The following ADAM12 variants were observed in gnomAD, a reference collection of about 807,000 sequenced individuals.
The protein encoded by ADAM12 is disintegrin and metalloproteinase domain-containing protein 12.
In ADAM12, 70 loss-of-function variants were observed where a neutral mutation model predicts 106.4. The observed-to-expected ratio is 0.66, with a 90% CI of 0.54 to 0.80. The LOEUF is 0.80. Among genes scored for constraint, ADAM12 ranks in the 30% least tolerant of loss-of-function variants. ADAM12 has a pLI of 0.00. For missense variants in ADAM12, 1,010 were observed against 1,171.9 expected (o/e 0.86, Z 2.02); for synonymous variants, 420 against 433.5 (o/e 0.97, Z 0.39).
chr10:126,331,672 C>T (rs926091317), intron 1 of ADAM12, among the ~76,000 whole-genome samples: 6 of 152,164 alleles, frequency 3.9e-5, no homozygotes, highest in East Asian at 1.9e-4. Flanking sequence ...ACTGAAAGTC[C>T]GAAATACAGC....
intron 18 of ADAM12, chr10:126,041,283 G>T: frequency 1.0e-6 from 1 of 974,612 alleles, no homozygotes; most frequent in African/African-American, 1.8e-5. Flanking sequence ...GGAGCAGTGA[G>T]CCATGCTTGC....
Position 126,101,076 on chromosome 10 carries a change from C to A in ADAM12, c.907G>T (p.Val303Phe). The A allele has an allele frequency of 1.2e-6, 2 of 1,613,674 alleles. No homozygotes were observed. Among genetic ancestry groups the A allele is most frequent in the South Asian group, 1.1e-5 (1 of 90,992 alleles). Residue 303 changes from valine (V) to phenylalanine (F), a missense_variant, in exon 9 of 23, where the codon GTC becomes TTC. By Grantham distance (50) the Val-to-Phe change is conservative. This residue lies in a region of ADAM12 where 391 missense variants were observed against 442.9 expected (regional missense o/e 0.88). Transcript: ENST00000448723. ...PRKSHDNAQL[V>F]SGVYFQGTTI... ...AGACAAGACGTAACTCCCTACCTGA[C>A]AAGCTGCGCATTGTCATGGGATTTG...
In ADAM12 at chr10:126,336,972, G is replaced by A. The variant is rs185327170; in HGVS notation, c.89-6463C>T. 3.3e-5 allele frequency among the ~76,000 whole-genome samples: 5 copies of A among 152,298 alleles called. No individual in the cohort carries two copies. In the South Asian group the frequency reaches 6.2e-4, roughly 19 times the overall value. On this transcript the variant is annotated intron_variant, in intron 1 of 22. Coordinates refer to ENST00000448723, the MANE Select transcript of ADAM12 (RefSeq NM_001288973.2). ...GGAGCTGGGCTATGGAACAACATCC[G>A]CCACAGAGGGCCGGCAAGAGGATCA... is the stretch of plus-strand genomic sequence containing the variant.
rs751560900 is a variant in ADAM12 at position 126,043,040 on chromosome 10, C to G, written c.2104G>C (p.Asp702His). 6.2e-6 allele frequency: 10 copies of G among 1,614,030 alleles called. No homozygotes were observed. Among genetic ancestry groups the G allele is most frequent in the Middle Eastern group, 1.7e-4 (1 of 6,060 alleles). Residue 702 changes from aspartate (D) to histidine (H), a missense_variant and splice_region_variant, in exon 18 of 23, where the codon GAT (aspartate) becomes CAT (histidine). Asp to His is a moderately conservative substitution (Grantham distance 81, BLOSUM62 -1). Around this residue, in one of 3 missense-constraint regions of ADAM12, gnomAD observed 615 missense variants for 708.5 expected, o/e 0.87. Coordinates refer to ENST00000448723, the MANE Select transcript of ADAM12 (RefSeq NM_001288973.2). The surrounding 1 kb of genome is among the most constrained non-coding windows in gnomAD (Gnocchi z 4.1). ...ACCGGGATGCAGGGGCTTCACTGAC[C>G]TGCTTGCCGGATGGGGCCGCTGTCT... ...STDSGPIRQADNQGLTIGILV... is the reference protein window; with the variant it reads ...STDSGPIRQAHNQGLTIGILV...
chr10:126,056,636 A>G (rs1026359504), intron 14 of ADAM12, among the ~76,000 whole-genome samples: 1 of 31,938 alleles, frequency 3.1e-5, no homozygotes, highest in Non-Finnish European at 7.7e-5. Flanking sequence ...TGAGTGTGAT[A>G]TTCCCCTTCC....
At chr10:126,032,378 T>G (rs1202743733) in intron 21 of ADAM12, among the ~76,000 whole-genome samples, 1 of 152,206 alleles carries the variant, frequency 6.6e-6, no homozygotes, top group Non-Finnish European at 1.5e-5. Context: ...TCATATGTCT[T>G]AGAAAAGTTC....
chr10:126,029,631 T>C (rs1205761442), intron 21 of ADAM12, among the ~76,000 whole-genome samples: 1 of 152,190 alleles, frequency 6.6e-6, no homozygotes, highest in African/African-American at 2.4e-5. Flanking sequence ...GGTGATGAGA[T>C]CTGTGCTGCA....
At chr10:126,039,509 C>G (rs1232716533) in intron 18 of ADAM12, 80 bp from the exon 19 acceptor site, 2 of 1,550,532 alleles carry the variant, frequency 1.3e-6, no homozygotes, top group Admixed American at 1.7e-5. Flanking sequence ...ACGTTTATGG[C>G]AAAGTGAACT....
intron 3 of ADAM12, among the ~76,000 whole-genome samples, chr10:126,276,620 T>C (rs1565185398): frequency 1.3e-5 from 2 of 152,234 alleles, no homozygotes; most frequent in Non-Finnish European, 2.9e-5. Flanking sequence ...TTACTTTTCA[T>C]ATAATGGAAT....
chr10:126,198,033 A>G (rs1284879812), intron 3 of ADAM12, among the ~76,000 whole-genome samples: 3 of 152,184 alleles, frequency 2.0e-5, no homozygotes, highest in Non-Finnish European at 2.9e-5. Flanking sequence ...TTCCAAATTA[A>G]CATCACTGTT....
intron 11 of ADAM12, among the ~76,000 whole-genome samples, chr10:126,091,350 G>A (rs1025912357): frequency 1.3e-5 from 2 of 152,206 alleles, no homozygotes; most frequent in African/African-American, 4.8e-5. Context: ...CACGGGTGAT[G>A]GATGACTGAG....
At chr10:126,131,774 C>T (rs777281389) in intron 5 of ADAM12, among the ~76,000 whole-genome samples, 1 of 152,184 alleles carries the variant, frequency 6.6e-6, no homozygotes, top group Non-Finnish European at 1.5e-5. Context: ...TTTAAGCCAA[C>T]CAGTCTATGG....
Position 126,279,108 on chromosome 10 carries a change from A to G in ADAM12, c.187-120T>C, listed in dbSNP as rs1175672271. 6 of 713,600 alleles carry G rather than the reference A, an allele frequency of 8.4e-6. No individual in the cohort carries two copies. In the Admixed American group the frequency reaches 1.5e-4, roughly 18 times the overall value. The allele number at this position is 713,600 out of a possible 1,614,324, so 44.2% of individuals were successfully genotyped here. A position where few individuals can be genotyped will look rare whatever the true frequency, so the allele number is the denominator to read the frequency against. ...AAACGATGCGGTCAACCTAAGAAAG[A>G]GCCAAATGCCATCACAATGCAGTGT... is the stretch of plus-strand genomic sequence containing the variant. On this transcript the variant is annotated intron_variant, in intron 2 of 22. Transcript: ENST00000448723.
intron 17 of ADAM12, among the ~76,000 whole-genome samples, chr10:126,045,734 G>A (rs1374412350): frequency 6.6e-6 from 1 of 152,174 alleles, no homozygotes; most frequent in Non-Finnish European, 1.5e-5. Flanking sequence ...GGTAGTAAGA[G>A]GAACAGCACA....
At chr10:126,233,659 T>TCTCGTGGGAGCTTTCTGCA (rs1348619456) in intron 3 of ADAM12, among the ~76,000 whole-genome samples, 4 of 152,152 alleles carry the variant, frequency 2.6e-5, no homozygotes, top group Non-Finnish European at 5.9e-5. Flanking sequence ...GCCTCAACCA[T>TCTCGTGGGAGCTTTCTGCA]CTCGTGGGAG....
At chr10:126,152,531 G>A (rs546987708) in intron 4 of ADAM12, among the ~76,000 whole-genome samples, 1 of 151,278 alleles carries the variant, frequency 6.6e-6, no homozygotes, top group South Asian at 2.1e-4. Flanking sequence ...TTAAGGTCTA[G>A]CTTCTCTGAT....
chr10:126,274,058 G>C (rs1353231981), intron 3 of ADAM12, among the ~76,000 whole-genome samples: 3 of 152,080 alleles, frequency 2.0e-5, no homozygotes, highest in African/African-American at 7.2e-5. Flanking sequence ...AGTGACCTTC[G>C]ACCTCCTGGG....
intron 1 of ADAM12, among the ~76,000 whole-genome samples, chr10:126,338,333 A>G (rs903212445): frequency 2.8e-5 from 4 of 142,418 alleles, no homozygotes; most frequent in African/African-American, 7.9e-5. Flanking sequence ...GCTCACTGCA[A>G]GCTCCGCCTC....
At chr10:126,034,199 T>C (rs1289798204) in intron 21 of ADAM12, among the ~76,000 whole-genome samples, 1 of 152,228 alleles carries the variant, frequency 6.6e-6, no homozygotes, top group African/African-American at 2.4e-5. Flanking sequence ...ACTGTAATCT[T>C]TAGAGCAGTG....
Sources: gnomAD v4.1 joint callset for allele counts (sites outside exome capture counted in the v4.1 genomes callset) on GRCh38, gnomAD v4.1.1 for gene constraint, gnomAD v4.1.1 regional missense constraint, Gnocchi (gnomAD v3.1) non-coding constraint, MANE v1.5 for transcripts, NCBI Gene and HGNC (gene_info 2026-07-23, HGNC 2026-07-21) for gene names.